MAN2C1: variants seen among roughly 807,000 people sequenced by gnomAD.
MAN2C1 encodes the protein alpha-mannosidase 2C1.
A neutral mutation model predicts 126.9 loss-of-function variants in MAN2C1; 111 were observed. That is an observed-to-expected ratio of 0.87 (90% CI 0.75 to 1.02). The LOEUF (loss-of-function observed/expected upper bound fraction) is 1.02. Among genes scored for constraint, MAN2C1 ranks in the 50% least tolerant of loss-of-function variants. The pLI is 0.00. For missense variants in MAN2C1, 1,363 were observed against 1,364.4 expected (o/e 1.00, Z 0.02); for synonymous variants, 567 against 561.5 (o/e 1.01, Z -0.14).
chr15:75,356,640 G>A lies in MAN2C1; in HGVS notation c.2703C>T (p.Arg901=), dbSNP rs1436223513. Residue 901 remains arginine (R), a synonymous_variant, in exon 23 of 26, where the codon CGC becomes CGT. Coordinates refer to ENST00000267978, the MANE Select transcript of MAN2C1 (RefSeq NM_006715.4). This position sits in a 1 kb window ranked among gnomAD's most constrained non-coding sequence, Gnocchi z 5.8. ...GCATCAGTGCATAGGTGAACTCGTGGCGCCCCGTGTCAGCAGTAGCGTCCG... is the reference window on the plus strand; with the variant it reads ...GCATCAGTGCATAGGTGAACTCGTGACGCCCCGTGTCAGCAGTAGCGTCCG... ...KAPDATADTG[R]HEFTYALMPH... 1 of 1,570,944 alleles carries A rather than the reference G, an allele frequency of 6.4e-7. No homozygotes were observed. Among genetic ancestry groups the A allele is most frequent in the East Asian group, 2.3e-5 (1 of 42,598 alleles).
intron 13 of MAN2C1, 33 bp from the exon 14 acceptor site, chr15:75,360,244 C>A: frequency 6.2e-7 from 1 of 1,601,218 alleles, no homozygotes. Context: ...AGTCTGGAGC[C>A]TGCTTAGCTG....
In MAN2C1 at chr15:75,364,304, T is replaced by C; in HGVS notation, c.601-116A>G. The C allele has an allele frequency of 4.6e-6, 6 of 1,295,526 alleles. No homozygotes were observed. The South Asian group carries it at 4.6e-5, about 10-fold the overall frequency. The allele number at this position is 1,295,526 out of a possible 1,614,324, so 80.3% of individuals were successfully genotyped here. ...CTGACCCCCAACCCTTTTTCCCTGC[T>C]GGTCCCCCTGCTCAGCACCGTCTCC... On this transcript the variant is annotated intron_variant, in intron 5 of 25. Coordinates refer to ENST00000267978, the MANE Select transcript of MAN2C1 (RefSeq NM_006715.4).
Position 75,361,288 on chromosome 15 carries a change from C to T in MAN2C1, c.1312G>A (p.Glu438Lys). 1 of 1,571,356 alleles carries T rather than the reference C, an allele frequency of 6.4e-7. No individual in the cohort carries two copies. The highest frequency in any genetic ancestry group is 8.6e-7 in the Non-Finnish European group (1 of 1,157,828). ...CACCACCCTAGGTGACCCCTCACCT[C>T]CTCCACGCTGCCCTGCATCCCATAG... is the stretch of plus-strand genomic sequence containing the variant. ...DSYGMQGSVE[E>K]VLKTVANNRD... is the part of the protein sequence containing the mutation. The change falls in exon 11 of 26, where the codon GAG becomes AAG. Residue 438 changes from glutamate to lysine, a missense_variant and splice_region_variant. By Grantham distance (56) the Glu-to-Lys change is moderately conservative. Around this residue, in one of 3 missense-constraint regions of MAN2C1, gnomAD observed 628 missense variants for 609.8 expected, o/e 1.03. Transcript: ENST00000267978. The surrounding 1 kb of genome is among the most constrained non-coding windows in gnomAD (Gnocchi z 5.0).
rs2072277410 is a variant in MAN2C1 at position 75,355,923 on chromosome 15, G to A, written c.3106C>T (p.Gln1036Ter). The change falls in exon 26 of 26, where the codon CAG becomes TAG. Residue 1036 changes from glutamine to a stop codon, truncating the protein, a stop_gained. Coordinates refer to ENST00000267978, the MANE Select transcript of MAN2C1 (RefSeq NM_006715.4). LOFTEE classifies it high-confidence loss of function. ...CCAGGGACTCAGTGTGGCGGAGGCT[G>A]AAGCACGAGCAACAGGGACAGCACT... ...FQVLSLLLVL[Q>*]PPPH 2 of 1,614,098 alleles carry A rather than the reference G, an allele frequency of 1.2e-6. No homozygotes were observed. Among genetic ancestry groups the A allele is most frequent in the South Asian group, 1.1e-5 (1 of 91,086 alleles).
At position 75,356,346 on chromosome 15, in the gene MAN2C1, C is replaced by T. The variant is rs770148982; in HGVS notation, c.2841G>A (p.Ala947=). 22 of 1,612,256 alleles carry T rather than the reference C, an allele frequency of 1.4e-5. 1 individual carries two copies. Among genetic ancestry groups the T allele is most frequent in the East Asian group, 8.9e-5 (4 of 44,842 alleles). The part of the protein sequence containing the change: ...PSPAPATSWS[A]FSVSSPAVVL... The stretch of plus-strand genomic sequence containing the variant: ...CGACCGCGGGTGAAGACACGGAAAA[C>T]GCACTCCAGGAGGTGGCGGGCGCTG... The change falls in exon 24 of 26, where the codon GCG becomes GCA. Residue 947 remains alanine, a synonymous_variant. Coordinates refer to ENST00000267978, the MANE Select transcript of MAN2C1 (RefSeq NM_006715.4). This position sits in a 1 kb window ranked among gnomAD's most constrained non-coding sequence, Gnocchi z 5.8.
intron 6 of MAN2C1, chr15:75,363,165 G>A: frequency 2.2e-6 from 1 of 457,614 alleles, no homozygotes; most frequent in Non-Finnish European, 4.4e-6. Flanking sequence ...CTGACTCCCA[G>A]GCTGCAGTTC....
At chr15:75,363,566 G>A (rs1367641739) in intron 6 of MAN2C1, among the ~76,000 whole-genome samples, 1 of 152,178 alleles carries the variant, frequency 6.6e-6, no homozygotes, top group Non-Finnish European at 1.5e-5. Context: ...AGCACTTTGG[G>A]AGGCCAAGGC....
rs1227981661 is a variant in MAN2C1 at position 75,359,055 on chromosome 15, G to A, written c.2141+4C>T. ...ACTGGGAAAGGGCAATGAGGATTTG[G>A]CACCTGCCAGAGGCCACCAGGACCA... is the stretch of plus-strand genomic sequence containing the variant. On this transcript the variant is annotated splice_donor_region_variant and intron_variant, in intron 18 of 25. Transcript: ENST00000267978. 8 of 1,613,506 alleles carry A rather than the reference G, an allele frequency of 5.0e-6. No homozygotes were observed. Among genetic ancestry groups the A allele is most frequent in the Non-Finnish European group, 5.1e-6 (6 of 1,179,880 alleles).
At chr15:75,367,461 T>A in intron 3 of MAN2C1, 50 bp downstream of exon 3, 1 of 1,601,668 alleles carries the variant, frequency 6.2e-7, no homozygotes, top group Non-Finnish European at 8.5e-7. Context: ...GCTGTAGTCA[T>A]TTCAGGGCTG....
rs1267152247 is a variant in MAN2C1, at chr15:75,362,646, G to A, written c.893C>T (p.Ser298Phe). The A allele has an allele frequency of 1.9e-6, 3 of 1,613,908 alleles. No individual in the cohort carries two copies. The highest frequency in any genetic ancestry group is 2.7e-5 in the African/African-American group (2 of 74,924). Residue 298 changes from serine (S) to phenylalanine (F), a missense_variant, in exon 7 of 26, where the codon TCC (serine) becomes TTC (phenylalanine). Coordinates refer to ENST00000267978, the MANE Select transcript of MAN2C1 (RefSeq NM_006715.4). The surrounding 1 kb of genome is among the most constrained non-coding windows in gnomAD (Gnocchi z 4.5). ...ERNPEFIFACSQAQQLEWVKS... is the reference protein window; with the variant it reads ...ERNPEFIFACFQAQQLEWVKS... ...CCTCACAGCTGTCCCTCTGACCTGG[G>A]AGCAGGCAAAGATGAACTCAGGGTT...
rs746657168 is a variant in MAN2C1 at position 75,356,590 on chromosome 15, C to T, written c.2737+16G>A. ...GTCTAGGGCTGCAGGAAGGCCCCAC[C>T]GTCCCCAGCACTCACCCTTGTGCGG... On this transcript the variant is annotated intron_variant, in intron 23 of 25. Coordinates refer to ENST00000267978, the MANE Select transcript of MAN2C1 (RefSeq NM_006715.4). This position sits in a 1 kb window ranked among gnomAD's most constrained non-coding sequence, Gnocchi z 5.8. The T allele has an allele frequency of 1.6e-4, 248 of 1,554,124 alleles. No homozygotes were observed. The highest frequency in any genetic ancestry group is 3.7e-4 in the Admixed American group (19 of 51,192).
Position 75,356,202 on chromosome 15 carries a change from CTGGGGG to C in MAN2C1, c.2898_2903del (p.Ser966_Gln968delinsArg). The C allele has an allele frequency of 1.2e-6, 2 of 1,613,332 alleles. No homozygotes were observed. The highest frequency in any genetic ancestry group is 1.7e-6 in the Non-Finnish European group (2 of 1,179,910). On this transcript the variant is annotated inframe_deletion, in exon 25 of 26. Coordinates refer to ENST00000267978, the MANE Select transcript of MAN2C1 (RefSeq NM_006715.4). This position sits in a 1 kb window ranked among gnomAD's most constrained non-coding sequence, Gnocchi z 5.8. The stretch of plus-strand genomic sequence containing the variant: ...ACAGCCTCAGGACCAGCGAGCGGCG[CTGGGGG>C]CTGCTCTCCGCCTGCAGAGGAACAC...
Position 75,367,988 on chromosome 15 carries a change from G to A in MAN2C1, c.227+85C>T, listed in dbSNP as rs1053329340. 4.8e-6 allele frequency: 7 copies of A among 1,471,022 alleles called. No homozygotes were observed. In the African/African-American group the frequency reaches 8.4e-5, roughly 18 times the overall value. 91.1% of individuals were successfully genotyped at this position (1,471,022 alleles called of 1,614,324 possible). A position where few individuals can be genotyped will look rare whatever the true frequency, so the allele number is the denominator to read the frequency against. On this transcript the variant is annotated intron_variant, in intron 2 of 25. Transcript: ENST00000267978. ...ATCCCACGTAGTTGTCTACGGCAGAGGGCAGACAACGAAGGTGTGGCTGGG... is the reference window on the plus strand; with the variant it reads ...ATCCCACGTAGTTGTCTACGGCAGAAGGCAGACAACGAAGGTGTGGCTGGG...
rs141792967 is a variant in MAN2C1, at chr15:75,364,541, G to T, written c.547C>A (p.Arg183=). ...TCCACCAGGAGCATGTGGACATCCC[G>T]GTGGAACACAGCTAGCTCAGCCCGG... ...LSRAELAVFH[R]DVHMLLVDLE... Residue 183 remains arginine (R), a synonymous_variant, in exon 5 of 26, where the codon CGG becomes AGG. Transcript: ENST00000267978. 34 of 1,608,234 alleles carry T rather than the reference G, an allele frequency of 2.1e-5. No homozygotes were observed. The East Asian group carries it at 2.5e-4, about 12-fold the overall frequency.
At chr15:75,367,307 C>T (rs1399584355) in intron 3 of MAN2C1, among the ~76,000 whole-genome samples, 1 of 152,124 alleles carries the variant, frequency 6.6e-6, no homozygotes, top group Non-Finnish European at 1.5e-5. Flanking sequence ...AAATGTTTTC[C>T]TATAAGTTTG....
rs993909491 is a variant in MAN2C1 at position 75,368,315 on chromosome 15, G to A, written c.102-117C>T. 7 of 1,475,140 alleles carry A rather than the reference G, an allele frequency of 4.7e-6. No homozygotes were observed. The Admixed American group carries it at 1.4e-4, about 29-fold the overall frequency. The allele number at this position is 1,475,140 out of a possible 1,614,324, so 91.4% of individuals were successfully genotyped here. Reference sequence around the variant, plus strand: ...CCTCCGCCAAGAGGGCTGCCTGGCCGCTCCGCGGCACAGTCCATTCCCTAC... The same window carrying A: ...CCTCCGCCAAGAGGGCTGCCTGGCCACTCCGCGGCACAGTCCATTCCCTAC... On this transcript the variant is annotated intron_variant, in intron 1 of 25. Transcript: ENST00000267978.
chr15:75,367,335 A>T (rs2072594944), intron 3 of MAN2C1, among the ~76,000 whole-genome samples, 176 bp downstream of exon 3: 1 of 152,184 alleles, frequency 6.6e-6, no homozygotes, highest in African/African-American at 2.4e-5. Flanking sequence ...CACAATAAAA[A>T]CTAAGGACCA....
chr15:75,364,596 G>A lies in MAN2C1; in HGVS notation c.492C>T (p.Ala164=). The A allele has an allele frequency of 6.2e-7, 1 of 1,613,664 alleles. No homozygotes were observed. Among genetic ancestry groups the A allele is most frequent in the Non-Finnish European group, 8.5e-7 (1 of 1,179,796 alleles). The change falls in exon 5 of 26, where the codon GCC becomes GCT. Residue 164 remains alanine, a synonymous_variant. Coordinates refer to ENST00000267978, the MANE Select transcript of MAN2C1 (RefSeq NM_006715.4). ...LGAGKGSMIA[A]PDPEKMFQLS... ...GCTGGAACATCTTCTCAGGGTCAGG[G>A]GCTGCAATCATGCTTCCCTTCCCGG...
chr15:75,365,734 T>C, intron 4 of MAN2C1: 1 of 202,346 alleles, frequency 4.9e-6, no homozygotes, highest in Non-Finnish European at 1.0e-5. Flanking sequence ...CTCAAAAAAA[T>C]CCAAAAAAAC....
Sources: gnomAD v4.1 joint callset for allele counts (sites outside exome capture counted in the v4.1 genomes callset) on GRCh38, gnomAD v4.1.1 for gene constraint, gnomAD v4.1.1 regional missense constraint, Gnocchi (gnomAD v3.1) non-coding constraint, MANE v1.5 for transcripts, NCBI Gene and HGNC (gene_info 2026-07-23, HGNC 2026-07-21) for gene names.